DLGAP2: variants seen among roughly 807,000 people sequenced by gnomAD.
DLGAP2 encodes disks large-associated protein 2.
A neutral mutation model predicts 100.3 loss-of-function variants in DLGAP2; 26 were observed. The ratio of observed to expected loss-of-function variants is 0.26; its 90% CI spans 0.19 to 0.36. The LOEUF (loss-of-function observed/expected upper bound fraction) is 0.36. DLGAP2 is among the 10% of genes least tolerant of loss of function. The pLI is 1.00. For synonymous variants in DLGAP2, 886 were observed against 630.1 expected (o/e 1.41, Z -6.08); for missense variants, 1,858 against 1,453.2 (o/e 1.28, Z -4.53).
chr8:1,382,489 G>A (rs1381966644), intron 3 of DLGAP2, among the ~76,000 whole-genome samples: 7 of 152,326 alleles, frequency 4.6e-5, no homozygotes, highest in Middle Eastern at 3.4e-3. Context: ...TAATTGCAGC[G>A]CTTTGGGAGG....
intron 3 of DLGAP2, among the ~76,000 whole-genome samples, chr8:1,323,823 C>T (rs139144590): frequency 5.3e-4 from 81 of 152,312 alleles, no homozygotes; most frequent in African/African-American, 1.9e-3. Context: ...CTTTCCTAAC[C>T]ACCTGTTCCT....
chr8:1,430,094 A>T, intron 3 of DLGAP2, among the ~76,000 whole-genome samples: 1 of 144,794 alleles, frequency 6.9e-6, no homozygotes, highest in Admixed American at 7.0e-5. Context: ...GTGTGGTAAA[A>T]TAAACCACTG....
chr8:753,646 AG>A (rs1820848763), intron 1 of DLGAP2: 1 of 152,256 alleles, frequency 6.6e-6, no homozygotes, highest in Admixed American at 6.5e-5. Flanking sequence ...AGCAGCCAGC[AG>A]CCCTAGGAGC....
chr8:885,809 A>T (rs1438998362), intron 1 of DLGAP2, among the ~76,000 whole-genome samples: 1 of 152,090 alleles, frequency 6.6e-6, no homozygotes, highest in African/African-American at 2.4e-5. Flanking sequence ...TACCTAGTTT[A>T]TTGAGAGTGT....
intron 5 of DLGAP2, among the ~76,000 whole-genome samples, chr8:1,559,940 G>A (rs557483490): frequency 9.2e-5 from 14 of 152,230 alleles, no homozygotes; most frequent in Middle Eastern, 3.4e-3. Flanking sequence ...GGCCCCTCCC[G>A]TCAGCCGACA....
intron 1 of DLGAP2, among the ~76,000 whole-genome samples, chr8:763,510 C>T (rs1053810756): frequency 6.6e-6 from 1 of 152,198 alleles, no homozygotes; most frequent in African/African-American, 2.4e-5. Context: ...ATTCGCACTT[C>T]TAAGACCATT....
At chr8:1,411,515 A>G (rs1185160598) in intron 3 of DLGAP2, among the ~76,000 whole-genome samples, 1 of 152,178 alleles carries the variant, frequency 6.6e-6, no homozygotes, top group Non-Finnish European at 1.5e-5. Context: ...TGACATTGGC[A>G]GGAAGACGGA....
intron 3 of DLGAP2, among the ~76,000 whole-genome samples, chr8:1,434,160 T>C (rs998649474): frequency 6.6e-6 from 1 of 152,122 alleles, no homozygotes; most frequent in Admixed American, 6.5e-5. Context: ...AGGATTAATA[T>C]GACCGTCAGC....
At chr8:1,476,331 C>A (rs1041926297) in intron 3 of DLGAP2, among the ~76,000 whole-genome samples, 7 of 152,146 alleles carry the variant, frequency 4.6e-5, no homozygotes, top group African/African-American at 1.2e-4. Context: ...CAATACAATC[C>A]TAATAATAAT....
At position 831,744 on chromosome 8, in the gene DLGAP2, C is replaced by T. The variant is rs934303638; in HGVS notation, c.19-76168C>T. Among the ~76,000 whole-genome samples the T allele has an allele frequency of 3.3e-5, 5 of 152,276 alleles. No individual in the cohort carries two copies. The South Asian group carries it at 8.3e-4, about 25-fold the overall frequency. ...GGGTATATACCCAGTAATTAGATCA[C>T]TGGGTCAAATGGTATTTCTAGTTCT... On this transcript the variant is annotated intron_variant, in intron 1 of 14. Transcript: ENST00000637795.
intron 1 of DLGAP2, among the ~76,000 whole-genome samples, chr8:880,023 A>T (rs977110233): frequency 6.6e-6 from 1 of 152,174 alleles, no homozygotes; most frequent in Non-Finnish European, 1.5e-5. Context: ...TGTGTAAGAA[A>T]TGTAGAGGTC....
intron 6 of DLGAP2, among the ~76,000 whole-genome samples, chr8:1,594,502 C>T (rs556730396): frequency 3.3e-5 from 5 of 152,174 alleles, no homozygotes; most frequent in Admixed American, 2.6e-4. Context: ...AAGAAAGCAT[C>T]GGTGAACTCA....
At chr8:985,505 A>C (rs1219984560) in intron 2 of DLGAP2, among the ~76,000 whole-genome samples, 1 of 152,232 alleles carries the variant, frequency 6.6e-6, no homozygotes, top group Non-Finnish European at 1.5e-5. Flanking sequence ...CTGGTCTTTC[A>C]CCAGTTGCTT....
chr8:1,319,269 G>A (rs971481034), intron 3 of DLGAP2, among the ~76,000 whole-genome samples: 3 of 152,262 alleles, frequency 2.0e-5, no homozygotes, highest in South Asian at 2.1e-4. Flanking sequence ...TGTTACCACC[G>A]CCTCTGCCAC....
intron 8 of DLGAP2, among the ~76,000 whole-genome samples, chr8:1,663,938 GCACTA>G (rs1798478541): frequency 6.6e-6 from 1 of 152,220 alleles, no homozygotes; most frequent in Non-Finnish European, 1.5e-5. Flanking sequence ...TATCCCCAGA[GCACTA>G]ATGTGACCAG....
In DLGAP2 at chr8:1,030,009, A is replaced by G. The variant is rs559569542; in HGVS notation, c.73+122043A>G. Among the ~76,000 whole-genome samples, 3 of 152,340 alleles carry G rather than the reference A, an allele frequency of 2.0e-5. No individual in the cohort carries two copies. The South Asian group carries it at 6.2e-4, about 32-fold the overall frequency. The stretch of plus-strand genomic sequence containing the variant: ...AGCTGGGAGGCCCGGCCCTGCACCC[A>G]GGGGAGGAGCCATGGAATAGGCTTA... On this transcript the variant is annotated intron_variant, in intron 2 of 14. Coordinates refer to ENST00000637795, the MANE Select transcript of DLGAP2 (RefSeq NM_001346810.2).
intron 4 of DLGAP2, among the ~76,000 whole-genome samples, chr8:1,537,728 T>TGGAAGGAAGGAA (rs10523091): frequency 0.01 from 1,427 of 136,638 alleles, 8 homozygotes; most frequent in East Asian, 0.015. Flanking sequence ...GATGAAAGGA[T>TGGAAGGAAGGAA]GGAAGGAAGG....
At chr8:1,115,846 T>C (rs935561443) in intron 2 of DLGAP2, among the ~76,000 whole-genome samples, 3 of 152,202 alleles carry the variant, frequency 2.0e-5, no homozygotes, top group African/African-American at 7.2e-5. Flanking sequence ...TTCTAGTCAG[T>C]CATTTATCCC....
In DLGAP2 at chr8:898,054, A is replaced by AAATG. The variant is rs1302015675; in HGVS notation, c.19-9842_19-9839dup. On this transcript the variant is annotated intron_variant, in intron 1 of 14. Transcript: ENST00000637795. ...CCTGACCTGCAGTAAGTGGGTTGGAAAATGAATGAATGAATGAATATAAAT... is the reference window on the plus strand; with the variant it reads ...CCTGACCTGCAGTAAGTGGGTTGGAAAATGAATGAATGAATGAATGAATATAAAT... Among the ~76,000 whole-genome samples the AAATG allele has an allele frequency of 1.2e-4, 18 of 152,274 alleles. 1 individual carries two copies. Among genetic ancestry groups the AAATG allele is most frequent in the East Asian group, 3.9e-4 (2 of 5,166 alleles).
Sources: gnomAD v4.1 joint callset for allele counts (sites outside exome capture counted in the v4.1 genomes callset) on GRCh38, gnomAD v4.1.1 for gene constraint, MANE v1.5 for transcripts, NCBI Gene and HGNC (gene_info 2026-07-23, HGNC 2026-07-21) for gene names.